CLOCK: variants seen among roughly 807,000 people sequenced by gnomAD.
CLOCK encodes clock circadian regulator.
In CLOCK, 43 loss-of-function variants were observed where a neutral mutation model predicts 118.4. The observed-to-expected ratio is 0.36, with a 90% CI of 0.28 to 0.47. The LOEUF (loss-of-function observed/expected upper bound fraction) is 0.47, where lower values mean the gene tolerates loss of function less well. CLOCK is among the 20% of genes least tolerant of loss of function. CLOCK has a pLI of 1.00. For missense variants in CLOCK, 846 were observed against 999.9 expected (o/e 0.85, Z 2.08); for synonymous variants, 326 against 339.2 (o/e 0.96, Z 0.43).
At chr4:55,449,646 A>G (rs1221163814) in intron 16 of CLOCK, 150 bp from the exon 17 acceptor site, 4 of 680,814 alleles carry the variant, frequency 5.9e-6, no homozygotes, top group Non-Finnish European at 1.0e-5. Context: ...CAGATGATTC[A>G]ATGTAGTTAC....
At chr4:55,530,774 C>CAAAAAAAAAAAAAAAAAAAAAAAAAA (rs60810379) in intron 1 of CLOCK, among the ~76,000 whole-genome samples, 2 of 33,044 alleles carry the variant, frequency 6.1e-5, no homozygotes, top group African/African-American at 1.4e-4. Flanking sequence ...GACTCCATCG[C>CAAAAAAAAAAAAAAAAAAAAAAAAAA]AAAAAAAAAA....
chr4:55,439,657 T>C (rs990449647), intron 21 of CLOCK, among the ~76,000 whole-genome samples: 2 of 152,120 alleles, frequency 1.3e-5, no homozygotes, highest in African/African-American at 2.4e-5. Context: ...CATAGTAGAG[T>C]AGAATATTAC....
intron 2 of CLOCK, among the ~76,000 whole-genome samples, chr4:55,491,234 TAAAAAAAA>T (rs34441416): frequency 4.5e-5 from 2 of 44,342 alleles, no homozygotes; most frequent in African/African-American, 9.2e-5. Context: ...GCAGGTGTGC[TAAAAAAAA>T]AAAAAAAAAA....
intron 1 of CLOCK, among the ~76,000 whole-genome samples, chr4:55,536,805 A>T (rs892034514): frequency 6.6e-6 from 1 of 152,066 alleles, no homozygotes; most frequent in Non-Finnish European, 1.5e-5. Context: ...ATGTACCATT[A>T]CCTGGTAATG....
At chr4:55,453,932 T>G in intron 13 of CLOCK, 108 bp from the exon 14 acceptor site, 1 of 838,664 alleles carries the variant, frequency 1.2e-6, no homozygotes, top group South Asian at 1.9e-5. Context: ...CTATTATTTT[T>G]CTGGCCTTTT....
chr4:55,491,206 A>T (rs532766223), intron 2 of CLOCK, among the ~76,000 whole-genome samples: 1 of 150,702 alleles, frequency 6.6e-6, no homozygotes, highest in East Asian at 1.9e-4. Flanking sequence ...ACTGCATTAA[A>T]AATGAAGAAA....
chr4:55,496,316 T>C (rs1728083332), intron 2 of CLOCK, among the ~76,000 whole-genome samples: 1 of 152,032 alleles, frequency 6.6e-6, no homozygotes, highest in Admixed American at 6.5e-5. Context: ...GGAGCCTCAG[T>C]TTCTCTTCCT....
intron 8 of CLOCK, among the ~76,000 whole-genome samples, chr4:55,469,632 T>TA (rs1725993735): frequency 6.6e-6 from 1 of 152,156 alleles, no homozygotes. Flanking sequence ...TTTAAAAAGT[T>TA]AAAAAAAGTT....
intron 1 of CLOCK, among the ~76,000 whole-genome samples, chr4:55,533,386 A>C (rs1252476619): frequency 2.0e-5 from 3 of 152,222 alleles, no homozygotes; most frequent in African/African-American, 7.2e-5. Flanking sequence ...TCTCTACAAC[A>C]AACAGTGTTG....
At chr4:55,461,054 G>A (rs1725307287) in intron 9 of CLOCK, among the ~76,000 whole-genome samples, 1 of 151,870 alleles carries the variant, frequency 6.6e-6, no homozygotes, top group Admixed American at 6.6e-5. Flanking sequence ...TCGAGTAGCA[G>A]GAACTACAGA....
chr4:55,474,416 A>G (rs1373338301), intron 7 of CLOCK, among the ~76,000 whole-genome samples: 1 of 152,222 alleles, frequency 6.6e-6, no homozygotes, highest in African/African-American at 2.4e-5. Context: ...TGCAAGGTGA[A>G]GCAGCAAGTG....
chr4:55,509,654 C>T (rs116053346), intron 2 of CLOCK, among the ~76,000 whole-genome samples: 3 of 152,344 alleles, frequency 2.0e-5, no homozygotes, highest in African/African-American at 7.2e-5. Flanking sequence ...TAAGTTATGA[C>T]TCTTACTTTT....
intron 15 of CLOCK, 131 bp downstream of exon 15, chr4:55,452,923 G>C: frequency 2.9e-6 from 2 of 685,410 alleles, no homozygotes; most frequent in Non-Finnish European, 4.9e-6. Context: ...AAGTAGTAAA[G>C]TATAATCACA....
chr4:55,498,250 CA>C (rs1728211168), intron 2 of CLOCK, among the ~76,000 whole-genome samples: 1 of 152,128 alleles, frequency 6.6e-6, no homozygotes, highest in African/African-American at 2.4e-5. Flanking sequence ...CCCCTTTGTG[CA>C]ATAATCATTT....
In CLOCK at chr4:55,459,206, C is replaced by T; in HGVS notation, c.615G>A (p.Lys205=). The T allele has an allele frequency of 6.2e-7, 1 of 1,612,738 alleles. No individual in the cohort carries two copies. The highest frequency in any genetic ancestry group is 8.5e-7 in the Non-Finnish European group (1 of 1,178,862). Residue 205 remains lysine, a synonymous_variant, in exon 10 of 23, where the codon AAG becomes AAA. Coordinates refer to ENST00000513440, the MANE Select transcript of CLOCK (RefSeq NM_004898.4). ...TTACATATTCATAGGTAGATGGCTCCTTTGGGTCTATTGTTCCTCGCAGCA... is the reference window on the plus strand; with the variant it reads ...TTACATATTCATAGGTAGATGGCTCTTTTGGGTCTATTGTTCCTCGCAGCA... ...CHMLRGTIDP[K]EPSTYEYVKF...
chr4:55,509,206 T>C (rs550090927), intron 2 of CLOCK, among the ~76,000 whole-genome samples: 1 of 152,336 alleles, frequency 6.6e-6, no homozygotes, highest in African/African-American at 2.4e-5. Flanking sequence ...GGGACCACTG[T>C]CGTATATTTG....
chr4:55,536,578 T>C (rs1730912754), intron 1 of CLOCK, among the ~76,000 whole-genome samples: 1 of 152,184 alleles, frequency 6.6e-6, no homozygotes, highest in Non-Finnish European at 1.5e-5. Context: ...CTTTCAGCCA[T>C]GACTAGAAAC....
chr4:55,507,481 C>T (rs1436036543), intron 2 of CLOCK, among the ~76,000 whole-genome samples: 3 of 151,964 alleles, frequency 2.0e-5, no homozygotes, highest in Admixed American at 6.5e-5. Flanking sequence ...GGCATGGTGG[C>T]GCATGCTTGT....
intron 13 of CLOCK, among the ~76,000 whole-genome samples, 158 bp downstream of exon 13, chr4:55,455,739 T>C (rs1462994790): frequency 6.6e-6 from 1 of 152,226 alleles, no homozygotes; most frequent in African/African-American, 2.4e-5. Flanking sequence ...TGATCTATGA[T>C]TCCTACTACA....
Sources: allele counts gnomAD v4.1 joint callset (sites outside exome capture counted in the v4.1 genomes callset), GRCh38; gene constraint gnomAD v4.1.1; transcripts MANE v1.5; gene names NCBI Gene and HGNC (gene_info 2026-07-23, HGNC 2026-07-21).